DIS3L2: variants seen among roughly 807,000 people sequenced by gnomAD.
DIS3L2 encodes DIS3-like exonuclease 2.
In DIS3L2, 34 loss-of-function variants were observed where a neutral mutation model predicts 97.5. The observed-to-expected ratio is 0.35, with a 90% CI of 0.27 to 0.46. The LOEUF (loss-of-function observed/expected upper bound fraction) is 0.46. Ranked by LOEUF, DIS3L2 falls within the 20% of genes least tolerant of loss-of-function variation. The pLI is 1.00. For synonymous variants in DIS3L2, 435 were observed against 445.2 expected, an observed-to-expected ratio of 0.98 and a Z score of 0.29; for missense variants, 1,038 against 1,146.0, an observed-to-expected ratio of 0.91 and a Z score of 1.36.
intron 3 of DIS3L2, among the ~76,000 whole-genome samples, chr2:232,020,208 A>G (rs951243458): frequency 6.6e-6 from 1 of 152,222 alleles, no homozygotes. Flanking sequence ...TTCAAAGAGC[A>G]GCAGGAAGTC....
intron 1 of DIS3L2, among the ~76,000 whole-genome samples, chr2:231,991,700 G>A (rs1217790371): frequency 6.6e-6 from 1 of 152,180 alleles, no homozygotes; most frequent in Non-Finnish European, 1.5e-5. Context: ...TGTGACATTA[G>A]GCCGTAATAA....
chr2:232,257,711 ATTT>A (rs1442575760), intron 12 of DIS3L2, among the ~76,000 whole-genome samples: 1 of 152,228 alleles, frequency 6.6e-6, no homozygotes, highest in African/African-American at 2.4e-5. Context: ...AAGTGCTGAC[ATTT>A]TTCAGAGGAT....
intron 5 of DIS3L2, among the ~76,000 whole-genome samples, chr2:232,080,885 A>T (rs1161326202): frequency 7.0e-6 from 1 of 142,538 alleles, no homozygotes; most frequent in East Asian, 2.0e-4. Context: ...TAGGTAACAA[A>T]GTGCAGCTCT....
intron 6 of DIS3L2, among the ~76,000 whole-genome samples, chr2:232,102,775 C>G (rs6732947): frequency 0.1 from 15,621 of 152,194 alleles, 1,723 homozygotes; most frequent in East Asian, 0.5. Flanking sequence ...ATTTCAAGAG[C>G]TGGCATTGCT....
chr2:232,161,512 C>T (rs540022783), intron 8 of DIS3L2, among the ~76,000 whole-genome samples: 1 of 152,304 alleles, frequency 6.6e-6, no homozygotes, highest in South Asian at 2.1e-4. Context: ...GCTCTGTCGC[C>T]CAGCCTGCAG....
intron 1 of DIS3L2, among the ~76,000 whole-genome samples, chr2:231,976,581 A>G (rs987191593): frequency 6.6e-6 from 1 of 151,258 alleles, no homozygotes. Flanking sequence ...GTGAGCTGAA[A>G]TCTCACCCCT....
chr2:232,232,296 G>A (rs1692815671), intron 10 of DIS3L2, among the ~76,000 whole-genome samples: 1 of 152,214 alleles, frequency 6.6e-6, no homozygotes, highest in East Asian at 1.9e-4. Flanking sequence ...CGTGCTCAGG[G>A]CAGCAGGGCC....
chr2:232,194,058 CG>C (rs1300176175), intron 9 of DIS3L2, among the ~76,000 whole-genome samples: 6 of 151,814 alleles, frequency 4.0e-5, no homozygotes. Flanking sequence ...TGCAGTGAGC[CG>C]GGATCGTACC....
intron 1 of DIS3L2, among the ~76,000 whole-genome samples, chr2:231,976,674 A>T (rs1318545647): frequency 6.6e-6 from 1 of 151,494 alleles, no homozygotes; most frequent in Non-Finnish European, 1.5e-5. Flanking sequence ...TAATACACCT[A>T]CTGAACATCA....
At chr2:232,240,596 C>T (rs762569142) in intron 11 of DIS3L2, among the ~76,000 whole-genome samples, 2 of 152,216 alleles carry the variant, frequency 1.3e-5, no homozygotes, top group African/African-American at 2.4e-5. Flanking sequence ...TTGTGTCAAA[C>T]GTACTGTGTC....
intron 5 of DIS3L2, among the ~76,000 whole-genome samples, chr2:232,082,959 C>T (rs1206883737): frequency 6.6e-6 from 1 of 152,182 alleles, no homozygotes; most frequent in Non-Finnish European, 1.5e-5. Context: ...GCACATTTCA[C>T]ATGGCGGCCT....
At chr2:232,119,818 G>A (rs1281125669) in intron 6 of DIS3L2, among the ~76,000 whole-genome samples, 3 of 152,184 alleles carry the variant, frequency 2.0e-5, no homozygotes, top group African/African-American at 7.2e-5. Context: ...CCACTGCATG[G>A]CCAGCTTAAA....
At chr2:232,175,108 T>TA (rs1414159386) in intron 9 of DIS3L2, among the ~76,000 whole-genome samples, 1 of 152,058 alleles carries the variant, frequency 6.6e-6, no homozygotes, top group African/African-American at 2.4e-5. Flanking sequence ...GGATTACAGA[T>TA]ATGAGCTAAG....
At chr2:232,129,107 A>T (rs1430409442) in intron 6 of DIS3L2, among the ~76,000 whole-genome samples, 1 of 152,196 alleles carries the variant, frequency 6.6e-6, no homozygotes, top group Admixed American at 6.5e-5. Flanking sequence ...CTGAGGTAAC[A>T]GTCATTTGAA....
intron 14 of DIS3L2, 28 bp from the exon 15 acceptor site, chr2:232,329,785 T>TCCCCGGGGGGGGGC: frequency 5.9e-5 from 57 of 967,096 alleles, no homozygotes; most frequent in Non-Finnish European, 7.4e-5. Context: ...ACCCCAGCGG[T>TCCCCGGGGGGGGGC]CCCTCCCATC....
At chr2:232,244,203 G>A (rs1315500017) in intron 11 of DIS3L2, among the ~76,000 whole-genome samples, 1 of 152,192 alleles carries the variant, frequency 6.6e-6, no homozygotes, top group African/African-American at 2.4e-5. Flanking sequence ...GCGTTAGAAT[G>A]TCAGATCTAG....
chr2:232,096,008 T>C (rs1173069724), intron 6 of DIS3L2, among the ~76,000 whole-genome samples: 1 of 151,926 alleles, frequency 6.6e-6, no homozygotes, highest in Non-Finnish European at 1.5e-5. Flanking sequence ...TTTCTTTCTT[T>C]CTTTTTTTCT....
intron 13 of DIS3L2, among the ~76,000 whole-genome samples, chr2:232,296,625 A>G (rs1694732223): frequency 6.6e-6 from 1 of 152,140 alleles, no homozygotes; most frequent in Non-Finnish European, 1.5e-5. Flanking sequence ...TCCCTGCACA[A>G]GCCCTCTTGC....
chr2:232,014,422 T>C (rs1350743251), intron 1 of DIS3L2, among the ~76,000 whole-genome samples: 1 of 152,230 alleles, frequency 6.6e-6, no homozygotes, highest in African/African-American at 2.4e-5. Context: ...TTGTCCGGAG[T>C]TGGACTTAGT....
Sources: allele counts gnomAD v4.1 joint callset (sites outside exome capture counted in the v4.1 genomes callset), GRCh38; gene constraint gnomAD v4.1.1; transcripts MANE v1.5; gene names NCBI Gene and HGNC (gene_info 2026-07-23, HGNC 2026-07-21).